Variants in OPRM1 observed in about 807,000 individuals in gnomAD.
The protein encoded by OPRM1 is mu-type opioid receptor.
A neutral mutation model predicts 31.8 loss-of-function variants in OPRM1; 27 were observed. The observed-to-expected ratio is 0.85, with a 90% CI of 0.63 to 1.17. OPRM1 has a LOEUF of 1.17. OPRM1 is among the 50% of genes most tolerant of loss of function. OPRM1 has a pLI of 0.00. For missense variants in OPRM1, 536 were observed against 511.1 expected (o/e 1.05, Z -0.47); for synonymous variants, 196 against 189.9 (o/e 1.03, Z -0.26).
chr6:154,010,579 C>A, exon 1 of OPRM1: 1 of 1,541,448 alleles, frequency 6.5e-7, no homozygotes, highest in South Asian at 1.2e-5. Flanking sequence ...GAAGAAAATA[C>A]TCCTCTGAGC....
chr6:154,034,060 A>G (rs756343678), intron 1 of OPRM1, among the ~76,000 whole-genome samples: 6 of 152,216 alleles, frequency 3.9e-5, no homozygotes, highest in Non-Finnish European at 5.9e-5. Flanking sequence ...GATCAGTAAA[A>G]TGTATTAATT....
At chr6:154,104,892 C>T (rs1005831282) in intron 3 of OPRM1, among the ~76,000 whole-genome samples, 1 of 152,178 alleles carries the variant, frequency 6.6e-6, no homozygotes, top group Non-Finnish European at 1.5e-5. Context: ...TTTCTTTCCT[C>T]TTGAGGTCCC....
At chr6:154,237,942 G>T (rs1205925198) in intron 3 of OPRM1, among the ~76,000 whole-genome samples, 1 of 152,012 alleles carries the variant, frequency 6.6e-6, no homozygotes, top group Non-Finnish European at 1.5e-5. Context: ...TAGTGTGTGT[G>T]CACTTATGTA....
chr6:154,043,862 A>G (rs1304199352), intron 1 of OPRM1, among the ~76,000 whole-genome samples: 2 of 152,122 alleles, frequency 1.3e-5, no homozygotes, highest in Non-Finnish European at 2.9e-5. Flanking sequence ...TATTTTCCAT[A>G]TAGAAACTAA....
chr6:154,175,240 C>A (rs1390279834), intron 3 of OPRM1, among the ~76,000 whole-genome samples: 1 of 152,036 alleles, frequency 6.6e-6, no homozygotes, highest in African/African-American at 2.4e-5. Flanking sequence ...AAAATTGACA[C>A]CCTAACATCA....
At chr6:154,189,927 G>C (rs1315973004) in intron 3 of OPRM1, among the ~76,000 whole-genome samples, 1 of 150,186 alleles carries the variant, frequency 6.7e-6, no homozygotes, top group African/African-American at 2.5e-5. Context: ...CTGGGCGACA[G>C]AGTAAGACTC....
chr6:154,109,790 CTCTGTGTGTGTG>C (rs1217833971), intron 3 of OPRM1, among the ~76,000 whole-genome samples: 1 of 76,982 alleles, frequency 1.3e-5, no homozygotes, highest in Non-Finnish European at 3.0e-5. Context: ...CTCTCTCTCT[CTCTGTGTGTGTG>C]TGTGTGTGTG....
intron 3 of OPRM1, among the ~76,000 whole-genome samples, chr6:154,164,722 C>T (rs565689444): frequency 1.3e-5 from 2 of 152,162 alleles, no homozygotes; most frequent in Non-Finnish European, 2.9e-5. Flanking sequence ...AAGGGTTCAC[C>T]GCTCTTGTGA....
chr6:154,024,166 G>A (rs974481434), intron 1 of OPRM1, among the ~76,000 whole-genome samples: 1 of 152,032 alleles, frequency 6.6e-6, no homozygotes, highest in African/African-American at 2.4e-5. Context: ...AAGCCACTAG[G>A]TCCTGGGCTT....
chr6:154,090,285 T>C, intron 2 of OPRM1, 107 bp downstream of exon 2: 1 of 711,880 alleles, frequency 1.4e-6, no homozygotes. Context: ...TTAGTCACAT[T>C]GTAATTTTAA....
chr6:154,123,233 T>A lies in OPRM1; in HGVS notation c.*4512T>A, dbSNP rs1797399900. Among the ~76,000 whole-genome samples, 1 of 152,160 alleles carries A rather than the reference T, an allele frequency of 6.6e-6. No homozygotes were observed. Among genetic ancestry groups the A allele is most frequent in the African/African-American group, 2.4e-5 (1 of 41,442 alleles). ...CTAGGCGAGCACAAAGCATAGCTTC[T>A]CTTGTTGTATAATTGTGGGTTTGTT... is the stretch of plus-strand genomic sequence containing the variant. On this transcript the variant is annotated 3_prime_UTR_variant, in exon 4 of 4. Transcript: ENST00000330432.
At chr6:154,166,879 A>G (rs1298054203) in intron 3 of OPRM1, among the ~76,000 whole-genome samples, 1 of 152,218 alleles carries the variant, frequency 6.6e-6, no homozygotes, top group Non-Finnish European at 1.5e-5. Context: ...GATATCTTTT[A>G]TTATCGATAA....
Position 154,119,291 on chromosome 6 carries a change from A to T in OPRM1, c.*570A>T. ...GTTTTGTATTGTTTAAAAAAATAAC[A>T]TCTCTTTCATCTAGCTCCATAATTG... On this transcript the variant is annotated 3_prime_UTR_variant, in exon 4 of 4. Coordinates refer to ENST00000330432, the MANE Select transcript of OPRM1 (RefSeq NM_000914.5). 2.0e-6 allele frequency: 2 copies of T among 985,498 alleles called. No individual in the cohort carries two copies. The highest frequency in any genetic ancestry group is 2.4e-6 in the Non-Finnish European group (2 of 829,894). 61.0% of individuals were successfully genotyped at this position (985,498 alleles called of 1,614,324 possible).
At position 154,030,880 on chromosome 6, in the gene OPRM1, T is replaced by C. The variant is rs1364189260; in HGVS notation, c.1-8281T>C. ...ATTAAAATACATGGACTGCTTTCAT[T>C]GTTCTTACATGAAAGCAGTCACAGA... On this transcript the variant is annotated intron_variant, in intron 1 of 5. Coordinates refer to the OPRM1 transcript ENST00000434900. 3.9e-5 allele frequency among the ~76,000 whole-genome samples: 6 copies of C among 152,284 alleles called. No individual in the cohort carries two copies. The South Asian group carries it at 1.0e-3, about 26-fold the overall frequency.
chr6:154,169,103 G>A (rs935082497), intron 3 of OPRM1, among the ~76,000 whole-genome samples: 1 of 147,556 alleles, frequency 6.8e-6, no homozygotes, highest in Non-Finnish European at 1.5e-5. Context: ...GCTCACGCCT[G>A]TAATCCCAAC....
In OPRM1 at chr6:154,040,099, G is replaced by A. The variant is rs371656236; in HGVS notation, c.290+265G>A. On this transcript the variant is annotated intron_variant, in intron 1 of 3. Transcript: ENST00000330432. ...GTAAAAGCTACAAATGTCTAGGGGT[G>A]GGGGGCGGAGGGAAGCTATAGCATA... Among the ~76,000 whole-genome samples the A allele has an allele frequency of 3.9e-5, 6 of 152,198 alleles. No individual in the cohort carries two copies. The East Asian group carries it at 5.8e-4, about 15-fold the overall frequency.
In OPRM1 at chr6:154,121,010, A is replaced by C. The variant is rs1356899680; in HGVS notation, c.*2289A>C. Among the ~76,000 whole-genome samples, 1 of 152,190 alleles carries C rather than the reference A, an allele frequency of 6.6e-6. No individual in the cohort carries two copies. The highest frequency in any genetic ancestry group is 2.4e-5 in the African/African-American group (1 of 41,462). ...TTCATTCAAAACCATTTTTTAACGT[A>C]AATTTGCTAGAACCACCTTCCAATT... On this transcript the variant is annotated 3_prime_UTR_variant, in exon 4 of 4. Transcript: ENST00000330432.
chr6:154,090,294 A>C, intron 2 of OPRM1, 116 bp downstream of exon 2: 1 of 685,780 alleles, frequency 1.5e-6, no homozygotes, highest in Non-Finnish European at 2.4e-6. Context: ...TTGTAATTTT[A>C]ATTATTCTTC....
intron 3 of OPRM1, among the ~76,000 whole-genome samples, chr6:154,102,946 C>T (rs934818880): frequency 2.1e-5 from 3 of 145,272 alleles, no homozygotes; most frequent in Non-Finnish European, 4.5e-5. Context: ...ACACTCCATA[C>T]TCATGGAAGA....
Sources: allele counts gnomAD v4.1 joint callset (sites outside exome capture counted in the v4.1 genomes callset), GRCh38; gene constraint gnomAD v4.1.1; transcripts MANE v1.5; gene names NCBI Gene and HGNC (gene_info 2026-07-23, HGNC 2026-07-21).